MAGI2: variants seen among roughly 807,000 people sequenced by gnomAD.
MAGI2 encodes membrane-associated guanylate kinase, WW and PDZ domain-containing protein 2.
In MAGI2, 35 loss-of-function variants were observed where a neutral mutation model predicts 133.3. The observed-to-expected ratio is 0.26, with a 90% CI of 0.20 to 0.35. The LOEUF (loss-of-function observed/expected upper bound fraction) is 0.35. MAGI2 is among the 10% of genes least tolerant of loss of function. The pLI, the probability that MAGI2 is intolerant of heterozygous loss-of-function variation, is 1.00. For synonymous variants in MAGI2, 729 were observed against 710.6 expected (o/e 1.03, Z -0.41); for missense variants, 1,636 against 1,863.4 (o/e 0.88, Z 2.25).
intron 14 of MAGI2, among the ~76,000 whole-genome samples, chr7:78,169,676 G>C (rs753687341): frequency 1.3e-5 from 2 of 152,214 alleles, no homozygotes; most frequent in Non-Finnish European, 2.9e-5. Flanking sequence ...GGGGAGTGAG[G>C]TAGGGTGAGA....
chr7:79,356,325 TC>T (rs1217883931), intron 1 of MAGI2, among the ~76,000 whole-genome samples: 1 of 147,364 alleles, frequency 6.8e-6, no homozygotes, highest in African/African-American at 2.5e-5. Flanking sequence ...TACGAATCTC[TC>T]AGCCCCCACA....
chr7:78,377,771 CT>C (rs1030392500), intron 6 of MAGI2, among the ~76,000 whole-genome samples: 62 of 151,130 alleles, frequency 4.1e-4, no homozygotes, highest in Non-Finnish European at 7.1e-4. Context: ...AAGTCCTTTA[CT>C]TTTGCTTACA....
chr7:78,940,880 C>T (rs184410508), intron 2 of MAGI2: 6 of 152,266 alleles, frequency 3.9e-5, no homozygotes, highest in Admixed American at 2.0e-4. Context: ...GACTTTTAGG[C>T]CTCTTCTGGA....
At chr7:79,228,822 A>G (rs1831102213) in intron 1 of MAGI2, among the ~76,000 whole-genome samples, 1 of 152,110 alleles carries the variant, frequency 6.6e-6, no homozygotes, top group African/African-American at 2.4e-5. Flanking sequence ...CTAGATCTAA[A>G]TAATAGTAAA....
rs556688733 is a variant in MAGI2 at position 78,101,915 on chromosome 7, G to A, written c.3568-22830C>T. 4.6e-5 allele frequency among the ~76,000 whole-genome samples: 7 copies of A among 152,218 alleles called. No homozygotes were observed. The South Asian group carries it at 1.2e-3, about 27-fold the overall frequency. On this transcript the variant is annotated intron_variant, in intron 20 of 21. Transcript: ENST00000354212. ...CTTGAAGAAATCCGTGTATGCCCAT[G>A]TTCATTGCACCATATTCACAATAGC...
intron 21 of MAGI2, among the ~76,000 whole-genome samples, chr7:78,060,274 G>A (rs1242861860): frequency 6.9e-6 from 1 of 145,734 alleles, no homozygotes; most frequent in Non-Finnish European, 1.5e-5. Context: ...TAGATTGAGA[G>A]TGTCAGTGAA....
At chr7:79,017,983 G>A (rs565753410) in intron 1 of MAGI2, among the ~76,000 whole-genome samples, 61 of 152,260 alleles carry the variant, frequency 4.0e-4, no homozygotes, top group Non-Finnish European at 6.8e-4. Context: ...GAGACAGGGA[G>A]AGAAACCAAG....
chr7:78,156,773 C>T (rs1288823306), intron 16 of MAGI2, among the ~76,000 whole-genome samples: 1 of 149,542 alleles, frequency 6.7e-6, no homozygotes, highest in Non-Finnish European at 1.5e-5. Flanking sequence ...AAAAGCAAAA[C>T]AGCACTTAGT....
chr7:78,248,470 CAG>C (rs1377158487), intron 10 of MAGI2, among the ~76,000 whole-genome samples: 5 of 152,078 alleles, frequency 3.3e-5, no homozygotes, highest in Admixed American at 6.5e-5. Context: ...TCAAAAGACA[CAG>C]ATTTGCTGAA....
intron 1 of MAGI2, among the ~76,000 whole-genome samples, chr7:79,426,922 C>T (rs756723361): frequency 1.3e-5 from 2 of 151,950 alleles, no homozygotes; most frequent in Non-Finnish European, 2.9e-5. Context: ...ACCTGTATGC[C>T]TGGATGGTTC....
intron 10 of MAGI2, among the ~76,000 whole-genome samples, chr7:78,240,455 G>T (rs531284850): frequency 4.9e-4 from 74 of 152,126 alleles, no homozygotes; most frequent in Non-Finnish European, 8.8e-4. Context: ...ATGGTATTCA[G>T]CCATAAAAAA....
intron 2 of MAGI2, among the ~76,000 whole-genome samples, chr7:78,662,561 TATC>T (rs2151045567): frequency 6.6e-6 from 1 of 152,326 alleles, no homozygotes; most frequent in East Asian, 1.9e-4. Context: ...AAGTGTGTAT[TATC>T]ATCTAATTGC....
intron 1 of MAGI2, among the ~76,000 whole-genome samples, chr7:79,177,842 C>T (rs531159439): frequency 6.6e-6 from 1 of 152,048 alleles, no homozygotes; most frequent in African/African-American, 2.4e-5. Context: ...AAATTGCTAT[C>T]TTAAGGCATA....
intron 1 of MAGI2, among the ~76,000 whole-genome samples, chr7:79,262,524 T>A (rs1834160432): frequency 6.6e-6 from 1 of 152,232 alleles, no homozygotes; most frequent in East Asian, 1.9e-4. Flanking sequence ...AACAGTTTTA[T>A]CATTTACTTA....
intron 1 of MAGI2, among the ~76,000 whole-genome samples, chr7:79,273,414 T>C (rs928965970): frequency 6.6e-6 from 1 of 152,082 alleles, no homozygotes; most frequent in Non-Finnish European, 1.5e-5. Context: ...TTGTTCTTTA[T>C]AAGAAGATTC....
At chr7:78,834,256 A>C (rs1791427316) in intron 2 of MAGI2, among the ~76,000 whole-genome samples, 1 of 152,154 alleles carries the variant, frequency 6.6e-6, no homozygotes, top group South Asian at 2.1e-4. Flanking sequence ...AGTGATTTTT[A>C]ATATATTTCA....
chr7:79,290,444 C>T (rs756375457), intron 1 of MAGI2, among the ~76,000 whole-genome samples: 4 of 151,700 alleles, frequency 2.6e-5, no homozygotes, highest in Non-Finnish European at 4.4e-5. Context: ...ATATTATTCA[C>T]CTCTGTTCTT....
chr7:78,648,970 CA>C, intron 2 of MAGI2, among the ~76,000 whole-genome samples: 1 of 152,066 alleles, frequency 6.6e-6, no homozygotes, highest in South Asian at 2.1e-4. Context: ...CTCATGGCTT[CA>C]AGAGTTCTGA....
intron 1 of MAGI2, among the ~76,000 whole-genome samples, chr7:79,270,362 C>T (rs1331855470): frequency 2.9e-5 from 4 of 140,334 alleles, no homozygotes; most frequent in African/African-American, 7.5e-5. Flanking sequence ...GTGGGCGGGA[C>T]GAAACTGTTG....
Sources: gnomAD v4.1 joint callset for allele counts (sites outside exome capture counted in the v4.1 genomes callset) on GRCh38, gnomAD v4.1.1 for gene constraint, MANE v1.5 for transcripts, NCBI Gene and HGNC (gene_info 2026-07-23, HGNC 2026-07-21) for gene names.